Variants in REV3L observed in about 807,000 individuals in gnomAD.
The protein encoded by REV3L is DNA polymerase zeta catalytic subunit.
REV3L carries 69 observed loss-of-function variants against 299.4 expected under a neutral mutation model. That is an observed-to-expected ratio of 0.23 (90% CI 0.19 to 0.28). The LOEUF (loss-of-function observed/expected upper bound fraction) is 0.28, where lower values mean the gene tolerates loss of function less well. Among genes scored for constraint, REV3L ranks in the 10% least tolerant of loss-of-function variants. The pLI, the probability that REV3L is intolerant of heterozygous loss-of-function variation, is 1.00. For synonymous variants in REV3L, 1,238 were observed against 1,271.4 expected, an observed-to-expected ratio of 0.97 and a Z score of 0.56; for missense variants, 3,128 against 3,693.8, an observed-to-expected ratio of 0.85 and a Z score of 3.97.
At chr6:111,389,278 T>C (rs534573218) in intron 6 of REV3L, 68 bp from the exon 7 acceptor site, 4 of 1,165,238 alleles carry the variant, frequency 3.4e-6, no homozygotes, top group East Asian at 2.4e-5. Flanking sequence ...TCTAAACTTT[T>C]CTTTAACAAA....
intron 1 of REV3L, among the ~76,000 whole-genome samples, chr6:111,422,744 A>G (rs1785722251): frequency 1.4e-5 from 2 of 145,392 alleles, no homozygotes; most frequent in South Asian, 4.4e-4. Flanking sequence ...AAAAGGGAGG[A>G]AGAAAGAATT....
chr6:111,302,101 G>C (rs575865146), intron 31 of REV3L, among the ~76,000 whole-genome samples: 1 of 152,298 alleles, frequency 6.6e-6, no homozygotes, highest in East Asian at 1.9e-4. Context: ...TTATCTTCCA[G>C]TTAACCGAAG....
intron 1 of REV3L, among the ~76,000 whole-genome samples, chr6:111,422,674 ATAT>A (rs1785676854): frequency 2.2e-5 from 1 of 44,700 alleles, no homozygotes; most frequent in Non-Finnish European, 6.8e-5. Context: ...ATATATATAT[ATAT>A]ACGTATATAT....
chr6:111,453,922 G>A (rs1475917744), intron 1 of REV3L, among the ~76,000 whole-genome samples: 1 of 152,142 alleles, frequency 6.6e-6, no homozygotes, highest in East Asian at 1.9e-4. Context: ...GGAAGCAGAG[G>A]TTGCAGTGTG....
chr6:111,328,336 C>T (rs978828084), intron 25 of REV3L, among the ~76,000 whole-genome samples: 2 of 152,296 alleles, frequency 1.3e-5, no homozygotes, highest in African/African-American at 2.4e-5. Flanking sequence ...AACTCTTGGG[C>T]TCAAGCAATC....
intron 31 of REV3L, among the ~76,000 whole-genome samples, chr6:111,303,159 T>TTCTC: frequency 1.6e-5 from 1 of 63,576 alleles, no homozygotes; most frequent in South Asian, 5.1e-4. Context: ...AGGCTTTCTT[T>TTCTC]TCTTTCTTTT....
chr6:111,412,611 T>C (rs1043442955), intron 2 of REV3L, among the ~76,000 whole-genome samples: 1 of 152,022 alleles, frequency 6.6e-6, no homozygotes, highest in Non-Finnish European at 1.5e-5. Flanking sequence ...CAGCAGATAA[T>C]AGAATTTACT....
chr6:111,392,219 T>C (rs1782005637), intron 5 of REV3L, among the ~76,000 whole-genome samples: 1 of 152,204 alleles, frequency 6.6e-6, no homozygotes. Flanking sequence ...AATTTACAAC[T>C]TGCCCTTATA....
Position 111,367,353 on chromosome 6 carries a change from G to A in REV3L, c.6435C>T (p.Pro2145=), listed in dbSNP as rs756109888. 3.7e-6 allele frequency: 6 copies of A among 1,606,366 alleles called. No individual in the cohort carries two copies. Among genetic ancestry groups the A allele is most frequent in the Middle Eastern group, 1.7e-4 (1 of 6,002 alleles). ...DSKALNGDDR[P]SSPVEELPSL... ...AAGGCAGCTCCTCTACTGGTGATGA[G>A]GGTCTATCATCTCCATTTAATGCTT... is the stretch of plus-strand genomic sequence containing the variant. Residue 2145 remains proline, a synonymous_variant, in exon 14 of 32, where the codon CCC becomes CCT. Coordinates refer to ENST00000368802, the MANE Select transcript of REV3L (RefSeq NM_001372078.1).
chr6:111,441,291 C>T (rs1788238439), intron 1 of REV3L, among the ~76,000 whole-genome samples: 1 of 152,094 alleles, frequency 6.6e-6, no homozygotes, highest in Non-Finnish European at 1.5e-5. Context: ...CTCGCTCTGT[C>T]ACTCAGGCTG....
chr6:111,312,998 A>C (rs1773144375), intron 28 of REV3L: 1 of 165,162 alleles, frequency 6.1e-6, no homozygotes, highest in African/African-American at 2.4e-5. Flanking sequence ...GGAAGTCAGA[A>C]ACTTAAGGAC....
At chr6:111,471,669 C>T (rs1047043350) in intron 1 of REV3L, among the ~76,000 whole-genome samples, 26 of 152,230 alleles carry the variant, frequency 1.7e-4, no homozygotes, top group African/African-American at 6.3e-4. Flanking sequence ...GAAATTAAGG[C>T]TAACATAAGT....
In REV3L at chr6:111,429,506, T is replaced by C. The variant is rs9400474; in HGVS notation, c.140-13034A>G. On this transcript the variant is annotated intron_variant, in intron 1 of 31. Transcript: ENST00000368802. ...CAAACAAACCAGAATACTCTATTACTGCAATTTGTAGTGTACAATCCATTT... is the reference window on the plus strand; with the variant it reads ...CAAACAAACCAGAATACTCTATTACCGCAATTTGTAGTGTACAATCCATTT... Among the ~76,000 whole-genome samples, 486 of 150,464 alleles carry C rather than the reference T, an allele frequency of 3.2e-3. 23 individuals are homozygous for C. In the East Asian group the frequency reaches 0.081, roughly 25 times the overall value.
In REV3L at chr6:111,373,022, T is replaced by C. The variant is rs757282465; in HGVS notation, c.5333A>G (p.Asn1778Ser). The part of the protein sequence containing the change: ...EDCLSEKSRL[N>S]RSSVSKEVFL... ...CACTTCTTTGCTTACTGAACTCCTA[T>C]TCAATCTAGATTTTTCACTTAGACA... The change falls in exon 13 of 32, where the codon AAT becomes AGT. Residue 1778 changes from asparagine (N) to serine (S), a missense_variant. Transcript: ENST00000368802. 2.7e-5 allele frequency: 44 copies of C among 1,614,072 alleles called. No individual in the cohort carries two copies. The highest frequency in any genetic ancestry group is 1.5e-4 in the Admixed American group (9 of 59,994).
intron 1 of REV3L, among the ~76,000 whole-genome samples, chr6:111,452,014 C>T (rs1002584651): frequency 3.6e-4 from 54 of 151,960 alleles, no homozygotes; most frequent in Non-Finnish European, 2.5e-4. Flanking sequence ...ACCCTTTCAA[C>T]TCAACAAGAA....
At chr6:111,329,181 T>C (rs921561667) in intron 25 of REV3L, among the ~76,000 whole-genome samples, 8 of 152,164 alleles carry the variant, frequency 5.3e-5, no homozygotes, top group Non-Finnish European at 1.0e-4. Context: ...GTAACTGGGA[T>C]TACAGGTGCC....
At chr6:111,406,185 C>T (rs966495390) in intron 3 of REV3L, among the ~76,000 whole-genome samples, 15 of 152,106 alleles carry the variant, frequency 9.9e-5, no homozygotes, top group Non-Finnish European at 1.6e-4. Flanking sequence ...CTTAGAGAAA[C>T]TCTCTAAGCA....
At chr6:111,462,998 G>T (rs1790983360) in intron 1 of REV3L, among the ~76,000 whole-genome samples, 1 of 152,030 alleles carries the variant, frequency 6.6e-6, no homozygotes, top group Non-Finnish European at 1.5e-5. Context: ...CAGATCAAGT[G>T]TAAGAGAATG....
At position 111,475,104 on chromosome 6, in the gene REV3L, G is replaced by C. The variant is rs563080253; in HGVS notation, c.139+7646C>G. 3.3e-5 allele frequency among the ~76,000 whole-genome samples: 5 copies of C among 149,488 alleles called. No individual in the cohort carries two copies. The South Asian group carries it at 8.5e-4, about 25-fold the overall frequency. On this transcript the variant is annotated intron_variant, in intron 1 of 31. Transcript: ENST00000368802. ...ATAAAAATATATATTTTAACCACAC[G>C]AATGGCAGCAAACTGCACATGCAGT...
Sources: allele counts gnomAD v4.1 joint callset (sites outside exome capture counted in the v4.1 genomes callset), GRCh38; gene constraint gnomAD v4.1.1; transcripts MANE v1.5; gene names NCBI Gene and HGNC (gene_info 2026-07-23, HGNC 2026-07-21).